The following DGKZ variants were observed in gnomAD, a reference collection of about 807,000 sequenced individuals.
DGKZ encodes the protein DAG kinase zeta.
In DGKZ, 45 loss-of-function variants were observed where a neutral mutation model predicts 142.5. That is an observed-to-expected ratio of 0.32 (90% CI 0.25 to 0.40). The LOEUF (loss-of-function observed/expected upper bound fraction) is 0.40. Among genes scored for constraint, DGKZ ranks in the 10% least tolerant of loss-of-function variants. The pLI is 1.00. For synonymous variants in DGKZ, 442 were observed against 527.0 expected, an observed-to-expected ratio of 0.84 and a Z score of 2.21; for missense variants, 755 against 1,306.5, an observed-to-expected ratio of 0.58 and a Z score of 6.51.
Position 46,367,541 on chromosome 11 carries a change from C to G in DGKZ, c.271-111C>G. The stretch of plus-strand genomic sequence containing the variant: ...TGGGGCAGACGGAACAGAGCAGGGT[C>G]GATCGGGGCGCTGGAGTGGGTTTGT... On this transcript the variant is annotated intron_variant, in intron 2 of 30. Coordinates refer to ENST00000527911, the Ensembl canonical transcript of DGKZ. The surrounding 1 kb of genome is among the most constrained non-coding windows in gnomAD (Gnocchi z 4.1). 7.5e-6 allele frequency: 7 copies of G among 932,380 alleles called. No individual in the cohort carries two copies. The highest frequency in any genetic ancestry group is 1.6e-5 in the South Asian group (1 of 61,062). 57.8% of individuals were successfully genotyped at this position (932,380 alleles called of 1,614,324 possible).
chr11:46,346,604 C>T (rs1043652495), upstream of DGKZ, among the ~76,000 whole-genome samples: 4 of 152,092 alleles, frequency 2.6e-5, no homozygotes, highest in Admixed American at 2.0e-4. Flanking sequence ...ATGTGGCAAC[C>T]GGTAACCATT....
intron 1 of DGKZ, among the ~76,000 whole-genome samples, chr11:46,355,147 C>T (rs541626534): frequency 5.0e-4 from 76 of 152,278 alleles, no homozygotes; most frequent in Non-Finnish European, 9.7e-4. Flanking sequence ...GTCTCACTCT[C>T]GCCCAGGCTA....
chr11:46,346,025 C>A (rs1194774868), upstream of DGKZ, among the ~76,000 whole-genome samples: 1 of 152,208 alleles, frequency 6.6e-6, no homozygotes, highest in Non-Finnish European at 1.5e-5. Flanking sequence ...GGGGATTGAT[C>A]TGCCCTCCTC....
chr11:46,368,082 G>A lies in DGKZ; in HGVS notation c.444+3G>A. 2 of 1,614,096 alleles carry A rather than the reference G, an allele frequency of 1.2e-6. No individual in the cohort carries two copies. The highest frequency in any genetic ancestry group is 1.7e-6 in the Non-Finnish European group (2 of 1,180,010). ...CCTGCATCGAGCAGCTGGAGAAGGT[G>A]GGTGGGTAGCTCAGCTTTGCCCGCC... On this transcript the variant is annotated splice_donor_region_variant and intron_variant, in intron 4 of 30. Transcript: ENST00000527911.
At chr11:46,378,221 C>T (rs1416004243) in exon 26 of DGKZ, 2 of 1,608,456 alleles carry the variant, frequency 1.2e-6, no homozygotes, top group Admixed American at 1.7e-5. Flanking sequence ...GATGCTGCAC[C>T]CCCTCAAGGT....
intron 1 of DGKZ, among the ~76,000 whole-genome samples, chr11:46,355,965 C>T (rs1038084617): frequency 2.0e-5 from 3 of 152,126 alleles, no homozygotes; most frequent in Non-Finnish European, 4.4e-5. Flanking sequence ...AAGCTGGTCT[C>T]GAGCTCCTGA....
chr11:46,348,592 C>A (rs558794323), intron 1 of DGKZ, among the ~76,000 whole-genome samples: 28 of 152,222 alleles, frequency 1.8e-4, no homozygotes, highest in Non-Finnish European at 3.8e-4. Flanking sequence ...CCCCCTCCCC[C>A]AGCACTCCAA....
intron 1 of DGKZ, among the ~76,000 whole-genome samples, chr11:46,354,746 C>T (rs1941801694): frequency 6.6e-6 from 1 of 152,182 alleles, no homozygotes; most frequent in Non-Finnish European, 1.5e-5. Flanking sequence ...GGTATTCATG[C>T]CTAGCAACAT....
chr11:46,375,436 C>T, exon 20 of DGKZ: 2 of 1,571,116 alleles, frequency 1.3e-6, no homozygotes, highest in Non-Finnish European at 8.6e-7. Context: ...CCACAGGCCG[C>T]GCTGCAGGTG....
chr11:46,377,023 G>C, intron 24 of DGKZ, 50 bp from the exon 25 acceptor site: 6 of 1,538,932 alleles, frequency 3.9e-6, no homozygotes, highest in Non-Finnish European at 5.4e-6. Flanking sequence ...GCTGCCCCTC[G>C]GCCCCCACCG....
chr11:46,338,891 G>T (rs1940143750), intron 1 of DGKZ: 1 of 152,252 alleles, frequency 6.6e-6, no homozygotes, highest in Non-Finnish European at 1.5e-5. Context: ...CAGAGCACGG[G>T]TAAAACAAGT....
In DGKZ at chr11:46,367,267, C is replaced by G. The variant is rs766923753; in HGVS notation, c.162-24C>G. The G allele has an allele frequency of 4.4e-5, 70 of 1,599,868 alleles. 1 individual carries two copies. The highest frequency in any genetic ancestry group is 2.2e-4 in the Middle Eastern group (1 of 4,528). Reference sequence around the variant, plus strand: ...AGGGTCAGCAAGTGCTCAGCCCCCTCCTCAGCTGTCTTCTCCTCTCTAGGA... The same window carrying G: ...AGGGTCAGCAAGTGCTCAGCCCCCTGCTCAGCTGTCTTCTCCTCTCTAGGA... On this transcript the variant is annotated intron_variant, in intron 1 of 30. Coordinates refer to ENST00000527911, the Ensembl canonical transcript of DGKZ. This position sits in a 1 kb window ranked among gnomAD's most constrained non-coding sequence, Gnocchi z 4.1.
intron 1 of DGKZ, among the ~76,000 whole-genome samples, chr11:46,337,421 A>G (rs1391841188): frequency 6.7e-6 from 1 of 148,856 alleles, no homozygotes; most frequent in Non-Finnish European, 1.5e-5. Flanking sequence ...TCAGCCTGCC[A>G]AGTAGCTGGG....
At chr11:46,361,774 G>A (rs1236403883) in intron 1 of DGKZ, 12 of 734,464 alleles carry the variant, frequency 1.6e-5, no homozygotes, top group East Asian at 1.3e-4. Context: ...GGGTGGGTGC[G>A]GGGAGGGTTG....
At chr11:46,377,452 G>C in intron 25 of DGKZ, 1 of 682,662 alleles carries the variant, frequency 1.5e-6, no homozygotes, top group Non-Finnish European at 2.2e-6. Context: ...AGCCAGTCCT[G>C]GCAGCCCCCG....
intron 1 of DGKZ, chr11:46,365,203 G>T: frequency 1.0e-6 from 1 of 985,436 alleles, no homozygotes; most frequent in Non-Finnish European, 1.2e-6. Flanking sequence ...CTGCCTGCAG[G>T]AGGGAGCTCT....
At chr11:46,364,292 C>T (rs1943016539) in intron 1 of DGKZ, 1 of 1,114,750 alleles carries the variant, frequency 9.0e-7, no homozygotes, top group East Asian at 5.8e-5. Context: ...GATGCAGTAC[C>T]TATTCCTTGG....
intron 1 of DGKZ, among the ~76,000 whole-genome samples, chr11:46,356,888 G>C (rs758146205): frequency 6.6e-6 from 1 of 152,178 alleles, no homozygotes; most frequent in Non-Finnish European, 1.5e-5. Flanking sequence ...AAAACACTTA[G>C]AGTAGTGTCT....
At chr11:46,340,467 T>C (rs542054926) in intron 1 of DGKZ, among the ~76,000 whole-genome samples, 17 of 152,252 alleles carry the variant, frequency 1.1e-4, no homozygotes, top group Non-Finnish European at 2.4e-4. Context: ...TCACCTCCAA[T>C]CCAGGAAATT....
Sources: allele counts gnomAD v4.1 joint callset (sites outside exome capture counted in the v4.1 genomes callset), GRCh38; gene constraint gnomAD v4.1.1; non-coding constraint Gnocchi (gnomAD v3.1); transcripts MANE v1.5; gene names NCBI Gene and HGNC (gene_info 2026-07-23, HGNC 2026-07-21).